The following TXNDC15 variants were observed in gnomAD, a reference collection of about 807,000 sequenced individuals.
TXNDC15 encodes thioredoxin domain containing 15, also known as thioredoxin domain-containing protein 15.
A neutral mutation model predicts 35.0 loss-of-function variants in TXNDC15; 24 were observed. The ratio of observed to expected loss-of-function variants is 0.68; its 90% CI spans 0.50 to 0.96. The LOEUF (loss-of-function observed/expected upper bound fraction) is 0.96. TXNDC15 is among the 40% of genes least tolerant of loss of function. The pLI, the probability that TXNDC15 is intolerant of heterozygous loss-of-function variation, is 0.00. For missense variants in TXNDC15, 385 were observed against 453.3 expected (o/e 0.85, Z 1.37); for synonymous variants, 169 against 174.0 (o/e 0.97, Z 0.23).
intron 1 of TXNDC15, among the ~76,000 whole-genome samples, chr5:134,880,746 A>G (rs774871037): frequency 1.3e-5 from 2 of 151,744 alleles, no homozygotes; most frequent in Non-Finnish European, 2.9e-5. Context: ...CCCAGCCAAA[A>G]TCATTTTTTT....
At position 134,900,636 on chromosome 5, in the gene TXNDC15, A is replaced by G. The variant is rs1750582784; in HGVS notation, c.*951A>G. ...GGTTGCAGTGAGCTGAGATCATGCC[A>G]CTGCACTCCAGCCTGTGCAACCAGA... On this transcript the variant is annotated 3_prime_UTR_variant, in exon 5 of 5. Coordinates refer to ENST00000358387, the MANE Select transcript of TXNDC15 (RefSeq NM_024715.4). 1 of 152,208 alleles carries G rather than the reference A, an allele frequency of 6.6e-6. No homozygotes were observed. The highest frequency in any genetic ancestry group is 1.5e-5 in the Non-Finnish European group (1 of 68,070). 9.4% of individuals were successfully genotyped at this position (152,208 alleles called of 1,614,324 possible). A position where few individuals can be genotyped will look rare whatever the true frequency, so the allele number is the denominator to read the frequency against.
At chr5:134,875,959 C>T (rs1231517090) in intron 1 of TXNDC15, among the ~76,000 whole-genome samples, 2 of 152,166 alleles carry the variant, frequency 1.3e-5, no homozygotes, top group East Asian at 1.9e-4. Context: ...CTTGAGCCAC[C>T]GTGCCTGGCC....
chr5:134,883,989 C>T (rs112584191), intron 1 of TXNDC15, among the ~76,000 whole-genome samples: 9,487 of 150,996 alleles, frequency 0.063, 714 homozygotes, highest in African/African-American at 0.19. Context: ...GATGCCGAGG[C>T]GGGAGGATCA....
In TXNDC15 at chr5:134,899,555, T is replaced by G. The variant is rs764563418; in HGVS notation, c.953T>G (p.Leu318Trp). 6.2e-7 allele frequency: 1 copy of G among 1,614,078 alleles called. No individual in the cohort carries two copies. The change falls in exon 5 of 5, where the codon TTG (leucine) becomes TGG (tryptophan). Residue 318 changes from leucine to tryptophan, a missense_variant. By Grantham distance (61) the Leu-to-Trp change is moderately conservative (BLOSUM62 -2). Transcript: ENST00000358387. ...ADQIGPLPST[L>W]IKSVDWLLVF... ...CAAATAGGCCCTCTTCCCAGCACTT[T>G]GATAAAAAGTGTGGACTGGTTGCTT...
intron 2 of TXNDC15, chr5:134,892,591 T>C (rs1750410131): frequency 1.3e-5 from 2 of 152,214 alleles, no homozygotes; most frequent in Admixed American, 1.3e-4. Context: ...ATAATGTGGC[T>C]GTTTGGTGTA....
At chr5:134,890,286 T>C (rs1327475229) in intron 2 of TXNDC15, among the ~76,000 whole-genome samples, 1 of 152,102 alleles carries the variant, frequency 6.6e-6, no homozygotes, top group Non-Finnish European at 1.5e-5. Flanking sequence ...CCTCCTGTCT[T>C]GGCCCCTCAA....
At chr5:134,882,341 T>A (rs546591458) in intron 1 of TXNDC15, among the ~76,000 whole-genome samples, 1 of 147,904 alleles carries the variant, frequency 6.8e-6, no homozygotes, top group African/African-American at 2.5e-5. Context: ...CGGGCAGAGA[T>A]GCTCCTCACT....
chr5:134,897,529 G>C (rs1010247765), intron 4 of TXNDC15, among the ~76,000 whole-genome samples: 3 of 152,254 alleles, frequency 2.0e-5, no homozygotes, highest in African/African-American at 7.2e-5. Flanking sequence ...GATTACAGGT[G>C]TGAGCCACCG....
intron 1 of TXNDC15, among the ~76,000 whole-genome samples, chr5:134,884,087 G>T (rs1015239746): frequency 2.0e-5 from 3 of 151,010 alleles, no homozygotes; most frequent in African/African-American, 7.3e-5. Context: ...AGGTGTGGTG[G>T]CAGGCACCTA....
chr5:134,874,633 CCTT>C, intron 1 of TXNDC15, 103 bp downstream of exon 1: 2 of 930,638 alleles, frequency 2.1e-6, no homozygotes, highest in Non-Finnish European at 3.1e-6. Context: ...GCGACTCGCC[CCTT>C]CTTGGCGTCT....
chr5:134,889,671 A>T (rs892125600), intron 2 of TXNDC15, among the ~76,000 whole-genome samples: 1 of 152,186 alleles, frequency 6.6e-6, no homozygotes, highest in Non-Finnish European at 1.5e-5. Flanking sequence ...GAGATGCACA[A>T]TTCAAAGGTG....
At chr5:134,879,532 T>C (rs748691784) in intron 1 of TXNDC15, among the ~76,000 whole-genome samples, 1 of 151,818 alleles carries the variant, frequency 6.6e-6, no homozygotes, top group East Asian at 1.9e-4. Flanking sequence ...ACAGAAAACA[T>C]GTGTGTTTGT....
intron 1 of TXNDC15, among the ~76,000 whole-genome samples, chr5:134,882,587 C>T (rs556350472): frequency 6.6e-5 from 10 of 152,366 alleles, no homozygotes; most frequent in Admixed American, 3.3e-4. Context: ...CCTGCAATCC[C>T]GGCACCTCGG....
chr5:134,893,686 C>T (rs1452325121), intron 3 of TXNDC15, 31 bp downstream of exon 3: 3 of 1,612,650 alleles, frequency 1.9e-6, no homozygotes, highest in African/African-American at 1.3e-5. Flanking sequence ...TTACGTCCAT[C>T]CTCCTGGCTG....
At chr5:134,882,551 C>A (rs534491124) in intron 1 of TXNDC15, among the ~76,000 whole-genome samples, 29 of 152,312 alleles carry the variant, frequency 1.9e-4, no homozygotes, top group African/African-American at 6.5e-4. Flanking sequence ...AGCCTGGGCA[C>A]CATTGAGCAC....
chr5:134,888,001 G>A lies in TXNDC15; in HGVS notation c.410G>A (p.Gly137Glu), dbSNP rs201610354. 2 of 1,614,224 alleles carry A rather than the reference G, an allele frequency of 1.2e-6. No homozygotes were observed. The highest frequency in any genetic ancestry group is 1.7e-5 in the Admixed American group (1 of 60,022). Reference protein sequence around the residue: ...RESLFSLDGAGAHFPDREEEY... With the variant: ...RESLFSLDGAEAHFPDREEEY... ...AGCCTTTTCTCTCTGGATGGCGCTG[G>A]AGCACACTTCCCTGACAGAGAAGAG... is the stretch of plus-strand genomic sequence containing the variant. The change falls in exon 2 of 5, where the codon GGA becomes GAA. Residue 137 changes from glycine to glutamate, a missense_variant. Coordinates refer to ENST00000358387, the MANE Select transcript of TXNDC15 (RefSeq NM_024715.4).
At chr5:134,878,991 T>C (rs945005141) in intron 1 of TXNDC15, among the ~76,000 whole-genome samples, 1 of 152,190 alleles carries the variant, frequency 6.6e-6, no homozygotes, top group Non-Finnish European at 1.5e-5. Context: ...AGAGCAAGAC[T>C]CTGTCTCAAA....
chr5:134,891,930 A>G (rs1029551951), intron 2 of TXNDC15, among the ~76,000 whole-genome samples: 34 of 152,078 alleles, frequency 2.2e-4, no homozygotes, highest in Non-Finnish European at 2.9e-4. Flanking sequence ...TAAATAAATA[A>G]ATAATAAGAT....
chr5:134,883,435 C>G (rs78523309), intron 1 of TXNDC15, among the ~76,000 whole-genome samples: 1 of 150,564 alleles, frequency 6.6e-6, no homozygotes. Flanking sequence ...TCAAAAAAAA[C>G]CAAAAAAACA....
Sources: allele counts gnomAD v4.1 joint callset (sites outside exome capture counted in the v4.1 genomes callset), GRCh38; gene constraint gnomAD v4.1.1; transcripts MANE v1.5; gene names NCBI Gene and HGNC (gene_info 2026-07-23, HGNC 2026-07-21).